IMMP1L: variants seen among roughly 807,000 people sequenced by gnomAD.
The protein encoded by IMMP1L is mitochondrial inner membrane protease subunit 1.
Under a neutral mutation model 21.8 loss-of-function variants are expected in IMMP1L, and 24 were observed. The observed-to-expected ratio is 1.10, with a 90% CI of 0.80 to 1.55. The LOEUF (loss-of-function observed/expected upper bound fraction) is 1.55. Ranked by LOEUF, IMMP1L falls within the 40% of genes most tolerant of loss-of-function variation. The pLI, the probability that IMMP1L is intolerant of heterozygous loss-of-function variation, is 0.00. For synonymous variants in IMMP1L, 46 were observed against 62.8 expected, an observed-to-expected ratio of 0.73 and a Z score of 1.26; for missense variants, 195 against 200.7, an observed-to-expected ratio of 0.97 and a Z score of 0.17.
In IMMP1L at chr11:31,473,763, C is replaced by T. The variant is rs1223086; in HGVS notation, c.-29-10458G>A. On this transcript the variant is annotated intron_variant, in intron 1 of 5. Transcript: ENST00000532287. ...ACCCAAAGTCACAAGAAGTTGTCCA[C>T]CTGATTGTTCAGGTCTGAAATTCCT... 20,168 of 984,996 alleles carry T rather than the reference C, an allele frequency of 0.02. 2,280 individuals carry two copies. In the African/African-American group the frequency reaches 0.27, roughly 13 times the overall value. The allele number at this position is 984,996 out of a possible 1,614,324, so 61.0% of individuals were successfully genotyped here.
intron 4 of IMMP1L, among the ~76,000 whole-genome samples, chr11:31,455,705 G>A (rs1483727638): frequency 1.3e-5 from 2 of 152,028 alleles, no homozygotes; most frequent in African/African-American, 4.8e-5. Context: ...TGTTTTTTAT[G>A]ACCTTGACAT....
chr11:31,471,525 T>TA (rs1954550304), intron 1 of IMMP1L, among the ~76,000 whole-genome samples: 2 of 152,154 alleles, frequency 1.3e-5, no homozygotes, highest in South Asian at 4.2e-4. Flanking sequence ...ATCTTCAATT[T>TA]AAAAAAACAG....
intron 1 of IMMP1L, chr11:31,488,126 A>C (rs1371767256): frequency 6.6e-6 from 1 of 152,086 alleles, no homozygotes; most frequent in Non-Finnish European, 1.5e-5. Context: ...AAGCCCACTT[A>C]CCATAGGTCT....
At chr11:31,490,421 G>A (rs1352926306) in intron 1 of IMMP1L, among the ~76,000 whole-genome samples, 2 of 150,742 alleles carry the variant, frequency 1.3e-5, no homozygotes, top group Admixed American at 1.3e-4. Flanking sequence ...GCAGTGAGCT[G>A]AGATAGCATC....
Position 31,433,526 on chromosome 11 carries a change from A to G in IMMP1L, c.366T>C (p.Asn122=), listed in dbSNP as rs1271576402. The G allele has an allele frequency of 6.2e-7, 1 of 1,611,996 alleles. No individual in the cohort carries two copies. Among genetic ancestry groups the G allele is most frequent in the Non-Finnish European group, 8.5e-7 (1 of 1,178,922 alleles). The part of the protein sequence containing the change: ...HVWLEGDNLQ[N]STDSRCYGPI... Reference sequence around the variant, plus strand: ...GTCCATAGCACCTGGAATCTGTAGAATTCTGTAGATTGTCACCTTCTAACC... The same window carrying G: ...GTCCATAGCACCTGGAATCTGTAGAGTTCTGTAGATTGTCACCTTCTAACC... The change falls in exon 5 of 6, where the codon AAT becomes AAC. Residue 122 remains asparagine (N), a synonymous_variant. Coordinates refer to ENST00000532287, the MANE Select transcript of IMMP1L (RefSeq NM_001304274.2).
intron 3 of IMMP1L, among the ~76,000 whole-genome samples, chr11:31,459,938 C>T (rs1380040365): frequency 6.6e-6 from 1 of 151,870 alleles, no homozygotes; most frequent in Non-Finnish European, 1.5e-5. Context: ...GAGCGGATTG[C>T]TTGAGCTCAG....
chr11:31,506,314 T>C (rs1223108), intron 1 of IMMP1L, among the ~76,000 whole-genome samples: 53,762 of 148,870 alleles, frequency 0.36, 11,959 homozygotes, highest in African/African-American at 0.63. Flanking sequence ...CTGCAAGCTC[T>C]GCCTCCCGGG....
intron 1 of IMMP1L, among the ~76,000 whole-genome samples, chr11:31,501,975 C>T (rs1437598567): frequency 7.4e-6 from 1 of 136,046 alleles, no homozygotes; most frequent in African/African-American, 2.7e-5. Context: ...AAGACTGTCT[C>T]AAAAAAAAAA....
At chr11:31,433,932 C>G (rs1953021113) in intron 4 of IMMP1L, among the ~76,000 whole-genome samples, 1 of 152,110 alleles carries the variant, frequency 6.6e-6, no homozygotes, top group South Asian at 2.1e-4. Context: ...GCCCTTGTGT[C>G]TCAATAACAG....
chr11:31,507,156 G>A (rs528604058), intron 1 of IMMP1L, among the ~76,000 whole-genome samples: 1 of 151,690 alleles, frequency 6.6e-6, no homozygotes, highest in South Asian at 2.1e-4. Context: ...ACGGGCGCCT[G>A]TAGTCCCAGC....
chr11:31,479,136 A>AT (rs1954811311), intron 1 of IMMP1L, among the ~76,000 whole-genome samples: 1 of 152,074 alleles, frequency 6.6e-6, no homozygotes, highest in Admixed American at 6.6e-5. Context: ...TAAGTTTTAT[A>AT]TAAAAAAAAA....
chr11:31,502,235 C>T (rs766536999), intron 1 of IMMP1L, among the ~76,000 whole-genome samples: 1 of 151,892 alleles, frequency 6.6e-6, no homozygotes, highest in Non-Finnish European at 1.5e-5. Flanking sequence ...AAGTTTCCTA[C>T]GAAAACAGAA....
intron 1 of IMMP1L, among the ~76,000 whole-genome samples, chr11:31,495,097 A>C (rs1955389336): frequency 6.6e-6 from 1 of 152,218 alleles, no homozygotes; most frequent in Non-Finnish European, 1.5e-5. Context: ...TTGCTAAAGC[A>C]TAGCAGAGTT....
chr11:31,445,529 T>C (rs2133581732), intron 4 of IMMP1L, among the ~76,000 whole-genome samples: 1 of 152,284 alleles, frequency 6.6e-6, no homozygotes, highest in African/African-American at 2.4e-5. Flanking sequence ...AAAATAAATA[T>C]GTAGGTATTT....
intron 4 of IMMP1L, among the ~76,000 whole-genome samples, chr11:31,437,790 C>T (rs1007250360): frequency 6.6e-6 from 1 of 152,126 alleles, no homozygotes; most frequent in African/African-American, 2.4e-5. Context: ...GAGTGAACTG[C>T]TTTCTGTTAC....
At chr11:31,449,694 A>G (rs748848263) in intron 4 of IMMP1L, among the ~76,000 whole-genome samples, 5 of 152,202 alleles carry the variant, frequency 3.3e-5, no homozygotes, top group African/African-American at 4.8e-5. Flanking sequence ...AAATAACTAC[A>G]TTACTTATTC....
At chr11:31,451,693 C>T (rs1372469588) in intron 4 of IMMP1L, among the ~76,000 whole-genome samples, 1 of 150,962 alleles carries the variant, frequency 6.6e-6, no homozygotes, top group African/African-American at 2.5e-5. Context: ...TTAGACATGA[C>T]TCTGGAGTTC....
chr11:31,477,525 T>C (rs1314504602), intron 1 of IMMP1L: 2 of 984,410 alleles, frequency 2.0e-6, no homozygotes. Flanking sequence ...TTGTTGTTTA[T>C]AAAATTAATC....
At chr11:31,454,480 AAG>A (rs1953874404) in intron 4 of IMMP1L, among the ~76,000 whole-genome samples, 1 of 149,942 alleles carries the variant, frequency 6.7e-6, no homozygotes, top group South Asian at 2.1e-4. Flanking sequence ...AAAAAACTGA[AAG>A]AGAGGATTTT....
Sources: allele counts gnomAD v4.1 joint callset (sites outside exome capture counted in the v4.1 genomes callset), GRCh38; gene constraint gnomAD v4.1.1; transcripts MANE v1.5; gene names NCBI Gene and HGNC (gene_info 2026-07-23, HGNC 2026-07-21).